PHF14: variants seen among roughly 807,000 people sequenced by gnomAD.
PHF14 encodes PHD finger protein 14.
A neutral mutation model predicts 117.9 loss-of-function variants in PHF14; 55 were observed. The ratio of observed to expected loss-of-function variants is 0.47; its 90% CI spans 0.38 to 0.58. The LOEUF (loss-of-function observed/expected upper bound fraction) is 0.58. Ranked by LOEUF, PHF14 falls within the 20% of genes least tolerant of loss-of-function variation. PHF14 has a pLI of 0.00. For missense variants in PHF14, 978 were observed against 1,122.2 expected (o/e 0.87, Z 1.84); for synonymous variants, 409 against 368.6 (o/e 1.11, Z -1.26).
chr7:11,124,066 T>C (rs990673953), intron 17 of PHF14, among the ~76,000 whole-genome samples: 2 of 128,186 alleles, frequency 1.6e-5, no homozygotes, highest in Admixed American at 7.5e-5. Context: ...TTTTTCTAAC[T>C]CCACTTTTCT....
At chr7:11,123,869 G>T (rs1209555212) in intron 17 of PHF14, among the ~76,000 whole-genome samples, 1 of 150,888 alleles carries the variant, frequency 6.6e-6, no homozygotes, top group African/African-American at 2.4e-5. Context: ...AGTGAGCCGA[G>T]ATCGTGCCAC....
chr7:11,120,180 T>C (rs1320696366), intron 17 of PHF14, among the ~76,000 whole-genome samples: 1 of 151,874 alleles, frequency 6.6e-6, no homozygotes, highest in East Asian at 1.9e-4. Context: ...AAAGTGTTTT[T>C]CTGAGCTTTG....
intron 16 of PHF14, among the ~76,000 whole-genome samples, chr7:11,075,564 G>GTTTTTTTTTTTTTTTTT (rs3073111): frequency 9.1e-6 from 1 of 110,012 alleles, no homozygotes; most frequent in African/African-American, 3.3e-5. Context: ...AAGGAAAGAG[G>GTTTTTTTTTTTTTTTTT]TTTTTTTTTT....
At chr7:11,143,058 T>C (rs760169477) in intron 17 of PHF14, among the ~76,000 whole-genome samples, 13 of 152,272 alleles carry the variant, frequency 8.5e-5, no homozygotes, top group Non-Finnish European at 1.8e-4. Flanking sequence ...ATAAAGCATT[T>C]TAGTTTTGTC....
chr7:11,119,531 A>G (rs893887576), intron 17 of PHF14, among the ~76,000 whole-genome samples: 19 of 151,866 alleles, frequency 1.3e-4, no homozygotes, highest in African/African-American at 4.1e-4. Context: ...TAGTGGAATT[A>G]AACTATTCTC....
chr7:11,141,452 T>C (rs1194150658), intron 17 of PHF14, among the ~76,000 whole-genome samples: 4 of 152,104 alleles, frequency 2.6e-5, no homozygotes, highest in Admixed American at 2.6e-4. Context: ...TTACAGTGCC[T>C]ACACAATTCC....
Position 11,035,631 on chromosome 7 carries a change from T to C in PHF14, c.1456-9T>C, listed in dbSNP as rs1261407972. The C allele has an allele frequency of 9.7e-6, 15 of 1,552,032 alleles. No individual in the cohort carries two copies. Among genetic ancestry groups the C allele is most frequent in the African/African-American group, 2.7e-5 (2 of 72,804 alleles). On this transcript the variant is annotated splice_polypyrimidine_tract_variant and intron_variant, in intron 7 of 17. Transcript: ENST00000634607. Reference sequence around the variant, plus strand: ...ATGTTCACTATTTTTCTGTGCTTTCTTTGTATAGGATATAGCAGATCCATT... The same window carrying C: ...ATGTTCACTATTTTTCTGTGCTTTCCTTGTATAGGATATAGCAGATCCATT...
intron 5 of PHF14, among the ~76,000 whole-genome samples, chr7:11,016,496 C>T (rs1460049206): frequency 1.3e-5 from 2 of 151,984 alleles, no homozygotes; most frequent in Non-Finnish European, 2.9e-5. Context: ...CCAGTACATT[C>T]TTGTCATTAA....
At chr7:10,988,102 T>G (rs1782291562) in intron 3 of PHF14, among the ~76,000 whole-genome samples, 1 of 152,066 alleles carries the variant, frequency 6.6e-6, no homozygotes, top group African/African-American at 2.4e-5. Context: ...GATTTTCCAG[T>G]TGAAACATTG....
chr7:11,100,487 A>G (rs1018949326), intron 16 of PHF14, among the ~76,000 whole-genome samples: 9 of 151,972 alleles, frequency 5.9e-5, no homozygotes, highest in African/African-American at 1.9e-4. Context: ...AAATTATTCC[A>G]GTTATATATT....
Position 11,130,617 on chromosome 7 carries a change from A to G in PHF14, c.2772+19150A>G, listed in dbSNP as rs952427175. Among the ~76,000 whole-genome samples, 8 of 151,862 alleles carry G rather than the reference A, an allele frequency of 5.3e-5. No individual in the cohort carries two copies. The highest frequency in any genetic ancestry group is 4.6e-4 in the Admixed American group (7 of 15,192). On this transcript the variant is annotated intron_variant, in intron 17 of 17. Coordinates refer to ENST00000634607, the MANE Select transcript of PHF14 (RefSeq NM_001007157.2). This position sits in a 1 kb window ranked among gnomAD's most constrained non-coding sequence, Gnocchi z 4.2. ...CCTTCCCCTAGTTTCCTCTGTTACC[A>G]TCTTGCATTCATGTGGTACATTTGT...
intron 4 of PHF14, among the ~76,000 whole-genome samples, chr7:10,992,187 G>A (rs544208800): frequency 1.3e-5 from 2 of 151,352 alleles, no homozygotes; most frequent in East Asian, 4.0e-4. Flanking sequence ...CCGAGTAGCT[G>A]GGATTACAGG....
At chr7:11,082,058 A>G (rs1786160705) in intron 16 of PHF14, among the ~76,000 whole-genome samples, 1 of 150,782 alleles carries the variant, frequency 6.6e-6, no homozygotes, top group Non-Finnish European at 1.5e-5. Flanking sequence ...GCCTTAGAAA[A>G]TCAATTTGAG....
intron 17 of PHF14, among the ~76,000 whole-genome samples, chr7:11,138,163 C>T (rs946380594): frequency 6.6e-6 from 1 of 151,878 alleles, no homozygotes; most frequent in African/African-American, 2.4e-5. Context: ...GCCTCAGCCT[C>T]CCGAGTAGCT....
intron 17 of PHF14, among the ~76,000 whole-genome samples, chr7:11,136,899 A>G (rs1788235654): frequency 6.6e-6 from 1 of 152,198 alleles, no homozygotes; most frequent in Admixed American, 6.5e-5. Context: ...ATGAACTAGC[A>G]CATGCTTATT....
chr7:10,989,669 C>T (rs920787840), intron 3 of PHF14, among the ~76,000 whole-genome samples: 3 of 152,232 alleles, frequency 2.0e-5, no homozygotes, highest in African/African-American at 7.2e-5. Context: ...CTTGTGCTGT[C>T]CCCCAGGCTG....
At chr7:11,122,452 TATATTG>T (rs1164722835) in intron 17 of PHF14, among the ~76,000 whole-genome samples, 12 of 143,772 alleles carry the variant, frequency 8.3e-5, no homozygotes, top group African/African-American at 3.1e-4. Context: ...CGTATATATA[TATATTG>T]TGTGTGTGTG....
intron 16 of PHF14, among the ~76,000 whole-genome samples, chr7:11,087,449 C>G (rs979799827): frequency 2.0e-5 from 3 of 152,152 alleles, no homozygotes; most frequent in Non-Finnish European, 1.5e-5. Context: ...CTCGGCCTCC[C>G]AAAGTGCTGG....
intron 16 of PHF14, among the ~76,000 whole-genome samples, chr7:11,077,695 C>T (rs1785919324): frequency 6.7e-6 from 1 of 150,258 alleles, no homozygotes; most frequent in Non-Finnish European, 1.5e-5. Context: ...TACATAGTCT[C>T]TTGTTTGCCT....
Sources: allele counts gnomAD v4.1 joint callset (sites outside exome capture counted in the v4.1 genomes callset), GRCh38; gene constraint gnomAD v4.1.1; non-coding constraint Gnocchi (gnomAD v3.1); transcripts MANE v1.5; gene names NCBI Gene and HGNC (gene_info 2026-07-23, HGNC 2026-07-21).